GK5: variants seen among roughly 807,000 people sequenced by gnomAD.
GK5 encodes ATP:glycerol 3-phosphotransferase 5.
GK5 carries 39 observed loss-of-function variants against 77.3 expected under a neutral mutation model. That is an observed-to-expected ratio of 0.50 (90% confidence interval 0.39 to 0.66). The LOEUF (loss-of-function observed/expected upper bound fraction) is 0.66. Among genes scored for constraint, GK5 ranks in the 30% least tolerant of loss-of-function variants. The probability of loss-of-function intolerance (pLI) is 0.00; values close to 1 mark genes in which losing one functional copy is unlikely to be tolerated. For synonymous variants in GK5, 211 were observed against 208.0 expected (o/e 1.01, Z -0.13); for missense variants, 487 against 633.8 (o/e 0.77, Z 2.49).
Position 142,170,343 on chromosome 3 carries a change from G to A in GK5, c.1423C>T (p.Leu475=). 6.2e-7 allele frequency: 1 copy of A among 1,614,066 alleles called. No individual in the cohort carries two copies. The highest frequency in any genetic ancestry group is 8.5e-7 in the Non-Finnish European group (1 of 1,179,992). ...CACATACCAACAGCAAGGCCAGCTAGAGAAGCTGCACCCAGGCATGACATG... is the reference window on the plus strand; with the variant it reads ...CACATACCAACAGCAAGGCCAGCTAAAGAAGCTGCACCCAGGCATGACATG... The part of the protein sequence containing the change: ...IDMSCLGAAS[L]AGLAVGFWTD... The change falls in exon 15 of 16, where the codon CTA becomes TTA. Residue 475 remains leucine, a synonymous_variant. Transcript: ENST00000392993.
intron 5 of GK5, among the ~76,000 whole-genome samples, chr3:142,197,388 T>C (rs1281117668): frequency 6.6e-6 from 1 of 152,190 alleles, no homozygotes; most frequent in African/African-American, 2.4e-5. Context: ...TCTAGTAACA[T>C]GTTTTTGTTT....
In GK5 at chr3:142,213,547, GCT is replaced by G. The variant is rs768490938; in HGVS notation, c.294_295del (p.Arg98SerfsTer27). 13 of 1,609,122 alleles carry G rather than the reference GCT, an allele frequency of 8.1e-6. No homozygotes were observed. Among genetic ancestry groups the G allele is most frequent in the Non-Finnish European group, 1.1e-5 (13 of 1,175,548 alleles). On this transcript the variant is annotated frameshift_variant, in exon 3 of 16. Coordinates refer to ENST00000392993, the MANE Select transcript of GK5 (RefSeq NM_001039547.3). LOFTEE classifies it high-confidence loss of function. ...TTACTTGTTCCACGTAATAAAAGTT[GCT>G]CTCTGTGTTGAAATGCCAAGACCAA... is the stretch of plus-strand genomic sequence containing the variant.
Position 142,170,766 on chromosome 3 carries a change from C to T in GK5, c.1308-308G>A, listed in dbSNP as rs193258786. Among the ~76,000 whole-genome samples the T allele has an allele frequency of 1.7e-4, 26 of 149,416 alleles. No homozygotes were observed. The East Asian group carries it at 3.5e-3, about 20-fold the overall frequency. On this transcript the variant is annotated intron_variant, in intron 14 of 15. Coordinates refer to ENST00000392993, the MANE Select transcript of GK5 (RefSeq NM_001039547.3). The stretch of plus-strand genomic sequence containing the variant: ...ACTTAGATATTACAGAAAAGAAAGT[C>T]GAGAAGTTTGATGCTTACATGCCCA...
intron 12 of GK5, among the ~76,000 whole-genome samples, chr3:142,173,558 C>T (rs1411120620): frequency 6.6e-6 from 1 of 152,124 alleles, no homozygotes; most frequent in Non-Finnish European, 1.5e-5. Context: ...GTGGCGGGCG[C>T]CTGTAGTCCC....
intron 12 of GK5, 48 bp from the exon 13 acceptor site, chr3:142,172,504 T>C (rs906852309): frequency 1.9e-6 from 2 of 1,034,218 alleles, no homozygotes; most frequent in Non-Finnish European, 2.9e-6. Flanking sequence ...CTAAATTACA[T>C]CTACGGACTT....
chr3:142,169,066 T>G (rs2063505400), intron 15 of GK5, among the ~76,000 whole-genome samples: 1 of 152,216 alleles, frequency 6.6e-6, no homozygotes. Flanking sequence ...AATAATCACT[T>G]GACTTACCTG....
chr3:142,167,881 G>A (rs940679363), intron 15 of GK5, among the ~76,000 whole-genome samples: 3 of 152,126 alleles, frequency 2.0e-5, no homozygotes, highest in South Asian at 2.1e-4. Context: ...GCATGGTGGC[G>A]GGTGCCTGCA....
At chr3:142,187,921 A>C in intron 5 of GK5, 142 bp from the exon 6 acceptor site, 1 of 624,926 alleles carries the variant, frequency 1.6e-6, no homozygotes, top group Non-Finnish European at 2.7e-6. Context: ...TATATTCCAA[A>C]TGGTTCTAAG....
intron 11 of GK5, among the ~76,000 whole-genome samples, chr3:142,180,951 C>T (rs895672653): frequency 6.6e-6 from 1 of 152,196 alleles, no homozygotes; most frequent in Non-Finnish European, 1.5e-5. Context: ...AACCACCCCC[C>T]AGACTGACCA....
chr3:142,168,545 T>C (rs999336276), intron 15 of GK5, among the ~76,000 whole-genome samples: 9 of 152,308 alleles, frequency 5.9e-5, no homozygotes, highest in African/African-American at 9.6e-5. Flanking sequence ...ATATCTTATT[T>C]TGTACCAAGC....
At chr3:142,171,302 T>C in intron 14 of GK5, 117 bp downstream of exon 14, 1 of 955,462 alleles carries the variant, frequency 1.0e-6, no homozygotes, top group Non-Finnish European at 1.4e-6. Flanking sequence ...TTTGAAATCC[T>C]CAATAATCAT....
intron 1 of GK5, among the ~76,000 whole-genome samples, chr3:142,216,404 T>C (rs1380236622): frequency 6.6e-6 from 1 of 152,142 alleles, no homozygotes; most frequent in Non-Finnish European, 1.5e-5. Context: ...CACAAAATCC[T>C]GCAGCAGTGG....
intron 12 of GK5, 142 bp downstream of exon 12, chr3:142,177,340 T>TAGG: frequency 1.7e-6 from 1 of 592,650 alleles, no homozygotes. Flanking sequence ...AGAGCATAAC[T>TAGG]TCTCAGCCCT....
At position 142,215,956 on chromosome 3, in the gene GK5, GT is replaced by G. The variant is rs1421890366; in HGVS notation, c.148-265del. On this transcript the variant is annotated intron_variant, in intron 1 of 15. Transcript: ENST00000392993. The stretch of plus-strand genomic sequence containing the variant: ...TTCTAAGTTTTCTACAAGAAGGTGT[GT>G]TTTTAAAATAAGAAAAAAGGCTTTT... Among the ~76,000 whole-genome samples the G allele has an allele frequency of 2.0e-5, 3 of 152,160 alleles. No individual in the cohort carries two copies. In the East Asian group the frequency reaches 5.8e-4, roughly 29 times the overall value.
chr3:142,214,852 T>C (rs1207281275), intron 2 of GK5, among the ~76,000 whole-genome samples: 2 of 152,208 alleles, frequency 1.3e-5, no homozygotes, highest in Non-Finnish European at 1.5e-5. Flanking sequence ...AATACTCCTT[T>C]CCTATGGTTC....
intron 11 of GK5, among the ~76,000 whole-genome samples, chr3:142,180,410 C>A (rs2063679499): frequency 6.6e-6 from 1 of 151,540 alleles, no homozygotes; most frequent in Admixed American, 6.6e-5. Flanking sequence ...TCAAGTGATT[C>A]TCCTGCCTCA....
chr3:142,214,728 G>GT (rs1335809902), intron 2 of GK5, among the ~76,000 whole-genome samples: 1 of 152,064 alleles, frequency 6.6e-6, no homozygotes, highest in African/African-American at 2.4e-5. Flanking sequence ...AAGTTTTTTT[G>GT]TTTTTTGTTT....
chr3:142,170,871 T>C (rs2063527484), intron 14 of GK5, among the ~76,000 whole-genome samples: 1 of 152,172 alleles, frequency 6.6e-6, no homozygotes, highest in Non-Finnish European at 1.5e-5. Context: ...AAATTTGATA[T>C]TGTATTATAT....
intron 12 of GK5, 92 bp from the exon 13 acceptor site, chr3:142,172,548 T>C: frequency 1.8e-6 from 1 of 557,540 alleles, no homozygotes; most frequent in Non-Finnish European, 3.2e-6. Context: ...CATAGCCACG[T>C]TAGAAGAAAA....
Sources: allele counts gnomAD v4.1 joint callset (sites outside exome capture counted in the v4.1 genomes callset), GRCh38; gene constraint gnomAD v4.1.1; transcripts MANE v1.5; gene names NCBI Gene and HGNC (gene_info 2026-07-23, HGNC 2026-07-21).